Variants in KIAA1217 observed in about 807,000 individuals in gnomAD.
The protein encoded by KIAA1217 is KIAA1217, also known as sickle tail protein homolog.
In KIAA1217, 88 loss-of-function variants were observed where a neutral mutation model predicts 163.9. That is an observed-to-expected ratio of 0.54 (90% CI 0.45 to 0.64). The LOEUF (loss-of-function observed/expected upper bound fraction) is 0.64, where lower values mean the gene tolerates loss of function less well. Ranked by LOEUF, KIAA1217 falls within the 30% of genes least tolerant of loss-of-function variation. The pLI, the probability that KIAA1217 is intolerant of heterozygous loss-of-function variation, is 0.00. For synonymous variants in KIAA1217, 903 were observed against 923.1 expected (o/e 0.98, Z 0.39); for missense variants, 2,372 against 2,475.0 (o/e 0.96, Z 0.88).
intron 1 of KIAA1217, among the ~76,000 whole-genome samples, chr10:23,760,014 T>C (rs1456060645): frequency 6.6e-6 from 1 of 152,230 alleles, no homozygotes; most frequent in East Asian, 1.9e-4. Flanking sequence ...GTCGTATATA[T>C]ACCATAGGTA....
At chr10:23,744,461 T>G (rs1370300698) in intron 1 of KIAA1217, among the ~76,000 whole-genome samples, 1 of 152,138 alleles carries the variant, frequency 6.6e-6, no homozygotes, top group African/African-American at 2.4e-5. Context: ...GGTGACAAAG[T>G]TGGAGCTTCC....
intron 2 of KIAA1217, among the ~76,000 whole-genome samples, chr10:24,155,688 G>T (rs2064842324): frequency 6.6e-6 from 1 of 152,056 alleles, no homozygotes; most frequent in East Asian, 1.9e-4. Flanking sequence ...TGGGCTCAGT[G>T]GCGGGCACCT....
At chr10:23,868,091 G>T (rs1840281254) in intron 1 of KIAA1217, among the ~76,000 whole-genome samples, 1 of 151,722 alleles carries the variant, frequency 6.6e-6, no homozygotes, top group Non-Finnish European at 1.5e-5. Context: ...TTCCCAGCAG[G>T]TCTACGGCCA....
chr10:24,167,284 C>CGT (rs35255558), intron 2 of KIAA1217, among the ~76,000 whole-genome samples: 2,014 of 148,312 alleles, frequency 0.014, 23 homozygotes, highest in East Asian at 0.051. Context: ...TGTGTATGTG[C>CGT]GTGTGTGTGT....
intron 2 of KIAA1217, among the ~76,000 whole-genome samples, chr10:24,135,375 A>G (rs150803554): frequency 1.2e-3 from 190 of 152,190 alleles, no homozygotes; most frequent in East Asian, 2.1e-3. Flanking sequence ...CCAAGCTTAC[A>G]TCAAGAAGCA....
intron 6 of KIAA1217, among the ~76,000 whole-genome samples, chr10:24,484,543 GGCCTATTTTT>G (rs978700658): frequency 1.2e-4 from 18 of 151,610 alleles, no homozygotes; most frequent in Admixed American, 1.1e-3. Context: ...CACCGTGTAT[GGCCTATTTTT>G]ATTTTTCAAT....
In KIAA1217 at chr10:24,546,056, C is replaced by T. The variant is rs1158961570; in HGVS notation, c.5564C>T (p.Pro1855Leu). Residue 1855 changes from proline to leucine, a missense_variant, in exon 21 of 21, where the codon CCT becomes CTT. Physicochemically the swap from Pro to Leu is moderately conservative, Grantham distance 98. This residue lies in a region of KIAA1217 where 690 missense variants were observed against 677.5 expected (regional missense o/e 1.02). Transcript: ENST00000376454. Reference sequence around the variant, plus strand: ...CCTGCTCACTCTGCCTCCCTCATCCCTTCTGTCTCTAATGGCTCTTTGAAG... The same window carrying T: ...CCTGCTCACTCTGCCTCCCTCATCCTTTCTGTCTCTAATGGCTCTTTGAAG... ...GPPAHSASLIPSVSNGSLKFQ... is the reference protein window; with the variant it reads ...GPPAHSASLILSVSNGSLKFQ... 6.2e-7 allele frequency: 1 copy of T among 1,614,214 alleles called. No individual in the cohort carries two copies. Among genetic ancestry groups the T allele is most frequent in the East Asian group, 2.2e-5 (1 of 44,876 alleles).
intron 2 of KIAA1217, among the ~76,000 whole-genome samples, chr10:24,183,054 G>A (rs2066255206): frequency 2.0e-5 from 3 of 152,188 alleles, no homozygotes; most frequent in African/African-American, 7.2e-5. Context: ...GTTCTGAAGG[G>A]ACTGAATTAG....
At chr10:23,920,238 A>T (rs531164597) in intron 1 of KIAA1217, among the ~76,000 whole-genome samples, 8 of 152,222 alleles carry the variant, frequency 5.3e-5, no homozygotes, top group African/African-American at 1.9e-4. Context: ...AAGGAGAGGG[A>T]CTAGAAGCCC....
intron 1 of KIAA1217, among the ~76,000 whole-genome samples, chr10:23,985,007 T>C (rs112890858): frequency 0.014 from 2,152 of 152,230 alleles, 47 homozygotes; most frequent in African/African-American, 0.049. Flanking sequence ...CACCATTCTT[T>C]TGGGACATGG....
intron 2 of KIAA1217, among the ~76,000 whole-genome samples, chr10:24,040,420 G>A (rs1392217589): frequency 1.3e-5 from 2 of 152,200 alleles, no homozygotes; most frequent in Non-Finnish European, 2.9e-5. Flanking sequence ...ATATGATGAA[G>A]GAACTGAAGA....
chr10:23,876,761 T>G (rs1214702668), intron 1 of KIAA1217, among the ~76,000 whole-genome samples: 1 of 151,986 alleles, frequency 6.6e-6, no homozygotes, highest in Non-Finnish European at 1.5e-5. Context: ...TTTCTTGCCT[T>G]TGAAAGTTTT....
At chr10:24,200,943 G>C (rs1295003040) in intron 2 of KIAA1217, among the ~76,000 whole-genome samples, 2 of 152,030 alleles carry the variant, frequency 1.3e-5, no homozygotes, top group African/African-American at 2.4e-5. Flanking sequence ...CAGATGAGAG[G>C]TGGCAGTAGG....
intron 2 of KIAA1217, among the ~76,000 whole-genome samples, chr10:24,141,225 A>ACCC (rs34205608): frequency 0.045 from 3,462 of 76,146 alleles, 394 homozygotes; most frequent in Non-Finnish European, 0.069. Context: ...GAAAGAATAA[A>ACCC]CCCCCCCCCC....
intron 1 of KIAA1217, among the ~76,000 whole-genome samples, chr10:23,945,263 G>A (rs546652127): frequency 6.6e-6 from 1 of 152,042 alleles, no homozygotes; most frequent in Non-Finnish European, 1.5e-5. Flanking sequence ...AACAAACTGT[G>A]CTATTTTCAT....
intron 1 of KIAA1217, among the ~76,000 whole-genome samples, chr10:24,214,248 CA>C (rs1363809835): frequency 6.6e-5 from 10 of 152,176 alleles, no homozygotes; most frequent in Admixed American, 3.9e-4. Flanking sequence ...GTGTATTAAT[CA>C]GATAGGCTAA....
chr10:23,731,297 G>A (rs1838463704), intron 1 of KIAA1217, among the ~76,000 whole-genome samples: 1 of 152,168 alleles, frequency 6.6e-6, no homozygotes, highest in African/African-American at 2.4e-5. Flanking sequence ...AAAGAAATAT[G>A]CACATGCACA....
intron 1 of KIAA1217, among the ~76,000 whole-genome samples, chr10:23,934,606 TG>T (rs1280688309): frequency 6.6e-5 from 5 of 76,288 alleles, no homozygotes; most frequent in East Asian, 2.5e-4. Flanking sequence ...TATATATATA[TG>T]TATATATATA....
chr10:23,952,821 A>G (rs1253763538), intron 1 of KIAA1217, among the ~76,000 whole-genome samples: 4 of 152,240 alleles, frequency 2.6e-5, no homozygotes, highest in African/African-American at 9.6e-5. Flanking sequence ...ATTGAGATAC[A>G]AGTGGATATT....
Sources: allele counts gnomAD v4.1 joint callset (sites outside exome capture counted in the v4.1 genomes callset), GRCh38; gene constraint gnomAD v4.1.1; regional missense constraint gnomAD v4.1.1; transcripts MANE v1.5; gene names NCBI Gene and HGNC (gene_info 2026-07-23, HGNC 2026-07-21).